WWOX: variants seen among roughly 807,000 people sequenced by gnomAD.
WWOX encodes the protein WW domain containing oxidoreductase.
In WWOX, 69 loss-of-function variants were observed where a neutral mutation model predicts 46.2. The observed-to-expected ratio is 1.49, with a 90% CI of 1.23 to 1.82. The LOEUF (loss-of-function observed/expected upper bound fraction) is 1.82. Ranked by LOEUF, WWOX falls within the 40% of genes most tolerant of loss-of-function variation. WWOX has a pLI of 0.00. For synonymous variants in WWOX, 359 were observed against 202.6 expected, an observed-to-expected ratio of 1.77 and a Z score of -6.56; for missense variants, 919 against 542.6, an observed-to-expected ratio of 1.69 and a Z score of -6.89.
intron 5 of WWOX, among the ~76,000 whole-genome samples, chr16:78,327,291 T>C (rs80027738): frequency 0.11 from 16,799 of 152,232 alleles, 1,208 homozygotes; most frequent in East Asian, 0.24. Context: ...TTGATTTCTT[T>C]GCACCAGTGT....
At chr16:78,927,575 G>T (rs999378938) in intron 8 of WWOX, among the ~76,000 whole-genome samples, 7 of 152,102 alleles carry the variant, frequency 4.6e-5, no homozygotes, top group Non-Finnish European at 7.3e-5. Flanking sequence ...AGTTGCGTAG[G>T]TACCAGCACT....
intron 8 of WWOX, among the ~76,000 whole-genome samples, chr16:78,754,184 C>T (rs1229838451): frequency 2.0e-5 from 3 of 151,948 alleles, no homozygotes; most frequent in Non-Finnish European, 2.9e-5. Flanking sequence ...CTGGGGATGC[C>T]ATCTTCTCTG....
Position 78,443,328 on chromosome 16 carries a change from A to G in WWOX, c.1056+10576A>G, listed in dbSNP as rs138753504. Among the ~76,000 whole-genome samples, 870 of 151,966 alleles carry G rather than the reference A, an allele frequency of 5.7e-3. 2 individuals are homozygous for G. Among genetic ancestry groups the G allele is most frequent in the Non-Finnish European group, 8.5e-3 (579 of 67,930 alleles). ...ACAAAAAAACAAAAAAAAACCCAAA[A>G]CTATATGTGCAAGCCTCAGGAACCA... On this transcript the variant is annotated intron_variant, in intron 8 of 8. Coordinates refer to ENST00000566780, the MANE Select transcript of WWOX (RefSeq NM_016373.4).
intron 8 of WWOX, among the ~76,000 whole-genome samples, chr16:78,445,517 G>A (rs1369487053): frequency 1.3e-5 from 2 of 152,152 alleles, no homozygotes; most frequent in Non-Finnish European, 2.9e-5. Context: ...AAACCACTCC[G>A]ACTTCAGCCC....
chr16:79,021,903 G>A (rs1436445037), intron 8 of WWOX, among the ~76,000 whole-genome samples: 1 of 152,186 alleles, frequency 6.6e-6, no homozygotes, highest in African/African-American at 2.4e-5. Context: ...AGGATGAGCT[G>A]GGACCAACAC....
intron 8 of WWOX, among the ~76,000 whole-genome samples, chr16:78,563,951 T>G (rs550887544): frequency 6.6e-6 from 1 of 152,356 alleles, no homozygotes; most frequent in South Asian, 2.1e-4. Context: ...AAGCAAAGGC[T>G]TGAAACGTGC....
At chr16:78,993,268 G>C (rs759541848) in intron 8 of WWOX, among the ~76,000 whole-genome samples, 208 of 151,906 alleles carry the variant, frequency 1.4e-3, no homozygotes, top group Non-Finnish European at 1.8e-3. Context: ...ATTTGGGGGT[G>C]GGGGGAGGTT....
At chr16:78,565,872 T>C (rs1403397634) in intron 8 of WWOX, among the ~76,000 whole-genome samples, 2 of 152,024 alleles carry the variant, frequency 1.3e-5, no homozygotes, top group African/African-American at 4.8e-5. Context: ...GACTGAAATG[T>C]GGGTAAGACC....
chr16:78,698,141 G>A (rs2048139511), intron 8 of WWOX, among the ~76,000 whole-genome samples: 1 of 152,160 alleles, frequency 6.6e-6, no homozygotes, highest in Non-Finnish European at 1.5e-5. Context: ...TCTCTTCTAT[G>A]AAATTCTTTG....
chr16:79,150,420 A>T (rs1388440210), intron 8 of WWOX, among the ~76,000 whole-genome samples: 1 of 152,214 alleles, frequency 6.6e-6, no homozygotes, highest in Non-Finnish European at 1.5e-5. Flanking sequence ...CCAGGTAGGT[A>T]GAATAAAGGA....
intron 8 of WWOX, among the ~76,000 whole-genome samples, chr16:78,615,773 C>T (rs539884204): frequency 5.6e-4 from 82 of 147,278 alleles, no homozygotes; most frequent in South Asian, 3.6e-3. Context: ...TTTTTTGAGG[C>T]GGAGTCTCAC....
intron 8 of WWOX, among the ~76,000 whole-genome samples, chr16:78,840,492 G>C (rs148815963): frequency 5.9e-5 from 9 of 152,176 alleles, no homozygotes; most frequent in Non-Finnish European, 1.0e-4. Context: ...ACTTAGGGAG[G>C]CTAATTATGT....
intron 8 of WWOX, among the ~76,000 whole-genome samples, chr16:78,940,325 G>T (rs1005171041): frequency 6.6e-6 from 1 of 152,098 alleles, no homozygotes; most frequent in Non-Finnish European, 1.5e-5. Context: ...GTCATTGCTC[G>T]CTATAGAAGA....
intron 5 of WWOX, among the ~76,000 whole-genome samples, chr16:78,359,961 A>G (rs28719562): frequency 6.6e-6 from 1 of 152,206 alleles, no homozygotes; most frequent in Admixed American, 6.5e-5. Flanking sequence ...TGCCTTCACT[A>G]TTCAATCATT....
At chr16:79,083,503 A>G (rs1226107519) in intron 8 of WWOX, among the ~76,000 whole-genome samples, 26 of 152,134 alleles carry the variant, frequency 1.7e-4, no homozygotes, top group Non-Finnish European at 1.5e-5. Context: ...AACCTAGCCT[A>G]TCTCACCTGA....
At chr16:78,985,846 A>G (rs2046774472) in intron 8 of WWOX, among the ~76,000 whole-genome samples, 1 of 152,224 alleles carries the variant, frequency 6.6e-6, no homozygotes, top group African/African-American at 2.4e-5. Context: ...GAAGGAGTGT[A>G]GAAGTTGCAG....
intron 8 of WWOX, among the ~76,000 whole-genome samples, chr16:78,693,622 G>A (rs1282786957): frequency 1.3e-5 from 2 of 152,202 alleles, no homozygotes; most frequent in Non-Finnish European, 1.5e-5. Flanking sequence ...GGGAACATTT[G>A]GCAATGTCTG....
chr16:78,213,308 C>A (rs1314143192), intron 5 of WWOX, among the ~76,000 whole-genome samples: 2 of 150,584 alleles, frequency 1.3e-5, no homozygotes, highest in African/African-American at 4.9e-5. Flanking sequence ...AGCACCATCT[C>A]TTACATGTGC....
intron 8 of WWOX, among the ~76,000 whole-genome samples, chr16:78,757,168 C>G (rs1276944048): frequency 2.0e-5 from 3 of 152,224 alleles, no homozygotes; most frequent in East Asian, 3.9e-4. Flanking sequence ...CACAGAAATT[C>G]TTGTGCGAGA....
Sources: allele counts gnomAD v4.1 joint callset (sites outside exome capture counted in the v4.1 genomes callset), GRCh38; gene constraint gnomAD v4.1.1; transcripts MANE v1.5; gene names NCBI Gene and HGNC (gene_info 2026-07-23, HGNC 2026-07-21).